Variants in CNTN4 observed in about 807,000 individuals in gnomAD.
The protein encoded by CNTN4 is contactin-4.
CNTN4 carries 77 observed loss-of-function variants against 122.5 expected under a neutral mutation model. The observed-to-expected ratio is 0.63, with a 90% confidence interval of 0.52 to 0.76. The LOEUF is 0.76. CNTN4 is among the 30% of genes least tolerant of loss of function. The pLI is 0.00. For synonymous variants in CNTN4, 512 were observed against 447.0 expected, an observed-to-expected ratio of 1.15 and a Z score of -1.83; for missense variants, 1,256 against 1,259.1, an observed-to-expected ratio of 1.00 and a Z score of 0.04.
At position 3,053,847 on chromosome 3, in the gene CNTN4, T is replaced by C. The variant is rs761186224; in HGVS notation, c.2852T>C (p.Ile951Thr). 6.2e-6 allele frequency: 10 copies of C among 1,614,222 alleles called. No individual in the cohort carries two copies. Among genetic ancestry groups the C allele is most frequent in the East Asian group, 2.2e-5 (1 of 44,880 alleles). Residue 951 changes from isoleucine to threonine, a missense_variant, in exon 24 of 25, where the codon ATT becomes ACT. By Grantham distance (89) the Ile-to-Thr change is moderately conservative (BLOSUM62 -1). Coordinates refer to ENST00000418658, the MANE Select transcript of CNTN4 (RefSeq NM_175607.3). ...AACAGACAAAGCAGCACATCTGTCATTGAAACAAATAAAACATCGGTGGAG... is the reference window on the plus strand; with the variant it reads ...AACAGACAAAGCAGCACATCTGTCACTGAAACAAATAAAACATCGGTGGAG... ...RWNRQSSTSV[I>T]ETNKTSVELS...
chr3:2,185,724 A>G (rs2037220893), intron 2 of CNTN4, among the ~76,000 whole-genome samples: 1 of 152,140 alleles, frequency 6.6e-6, no homozygotes, highest in Non-Finnish European at 1.5e-5. Context: ...ACTGCCAATA[A>G]TGGTACAAAG....
chr3:2,340,692 T>C (rs2044150712), intron 3 of CNTN4, among the ~76,000 whole-genome samples: 2 of 18,112 alleles, frequency 1.1e-4, no homozygotes, highest in South Asian at 7.7e-3. Flanking sequence ...ATTTTATATA[T>C]ATATATATAT....
chr3:2,321,654 C>G (rs1216688772), intron 2 of CNTN4, among the ~76,000 whole-genome samples: 1 of 151,648 alleles, frequency 6.6e-6, no homozygotes, highest in African/African-American at 2.4e-5. Context: ...CAGATTGTCT[C>G]GGAGGTCTTG....
intron 2 of CNTN4, among the ~76,000 whole-genome samples, chr3:2,181,993 G>A (rs1480795707): frequency 2.0e-5 from 3 of 152,064 alleles, no homozygotes; most frequent in Non-Finnish European, 4.4e-5. Flanking sequence ...AGTAAGCACA[G>A]TAAATCCATT....
At chr3:2,840,935 C>T (rs1197626958) in intron 7 of CNTN4, among the ~76,000 whole-genome samples, 1 of 152,066 alleles carries the variant, frequency 6.6e-6, no homozygotes, top group Non-Finnish European at 1.5e-5. Flanking sequence ...TTAATCTTTT[C>T]TAATTGCTAA....
At chr3:2,619,151 G>C (rs2081896053) in intron 4 of CNTN4, among the ~76,000 whole-genome samples, 1 of 152,126 alleles carries the variant, frequency 6.6e-6, no homozygotes, top group Non-Finnish European at 1.5e-5. Context: ...TGTGTCTTCA[G>C]CATCCTTTAG....
intron 24 of CNTN4, 134 bp from the exon 25 acceptor site, chr3:3,055,986 A>T: frequency 1.6e-6 from 1 of 645,068 alleles, no homozygotes; most frequent in Non-Finnish European, 2.7e-6. Flanking sequence ...ACTGATATTT[A>T]AAAGCCATTA....
intron 13 of CNTN4, among the ~76,000 whole-genome samples, chr3:2,954,994 T>G (rs1267123546): frequency 6.6e-6 from 1 of 152,108 alleles, no homozygotes; most frequent in Non-Finnish European, 1.5e-5. Context: ...TAGAATATTT[T>G]GAAGGAAGAA....
At chr3:2,386,206 T>C (rs896822886) in intron 3 of CNTN4, among the ~76,000 whole-genome samples, 1 of 152,106 alleles carries the variant, frequency 6.6e-6, no homozygotes, top group African/African-American at 2.4e-5. Context: ...AAACATTCTC[T>C]GAATTCAAAC....
At chr3:2,553,589 C>G (rs1392907698) in intron 3 of CNTN4, among the ~76,000 whole-genome samples, 1 of 152,042 alleles carries the variant, frequency 6.6e-6, no homozygotes. Context: ...ATGATGGTTA[C>G]TAACACACAG....
At chr3:2,407,940 A>G (rs774711069) in intron 3 of CNTN4, among the ~76,000 whole-genome samples, 6 of 152,208 alleles carry the variant, frequency 3.9e-5, no homozygotes, top group African/African-American at 1.4e-4. Flanking sequence ...GTGTGTGTCT[A>G]TGCACATTTT....
chr3:2,557,921 G>C (rs1273035348), intron 3 of CNTN4, among the ~76,000 whole-genome samples: 1 of 152,044 alleles, frequency 6.6e-6, no homozygotes, highest in Admixed American at 6.6e-5. Flanking sequence ...ATGACTAGCT[G>C]GTCTTCTGTA....
At chr3:2,156,962 C>T (rs137938581) in intron 2 of CNTN4, among the ~76,000 whole-genome samples, 147 of 152,296 alleles carry the variant, frequency 9.7e-4, no homozygotes, top group Middle Eastern at 3.4e-3. Context: ...TTCTCATCTG[C>T]ATGTCTGTAC....
At chr3:2,866,650 G>A in intron 7 of CNTN4, 102 bp from the exon 8 acceptor site, 3 of 1,278,696 alleles carry the variant, frequency 2.3e-6, no homozygotes, top group Non-Finnish European at 2.3e-6. Context: ...AGAGTCATTG[G>A]ACAACAATGT....
At chr3:2,641,881 A>G (rs1236247687) in intron 4 of CNTN4, among the ~76,000 whole-genome samples, 1 of 152,196 alleles carries the variant, frequency 6.6e-6, no homozygotes, top group Non-Finnish European at 1.5e-5. Flanking sequence ...TTTACATCAT[A>G]TTGAATCATA....
At chr3:2,749,454 G>C (rs1468900011) in intron 6 of CNTN4, among the ~76,000 whole-genome samples, 1 of 150,980 alleles carries the variant, frequency 6.6e-6, no homozygotes, top group East Asian at 2.0e-4. Context: ...ATTACACTTT[G>C]CCCAGCTCAT....
intron 14 of CNTN4, among the ~76,000 whole-genome samples, chr3:3,000,731 C>G (rs533236593): frequency 6.6e-6 from 1 of 152,256 alleles, no homozygotes; most frequent in South Asian, 2.1e-4. Context: ...ATATCCCACC[C>G]AACTCTGAAA....
chr3:2,607,714 G>A lies in CNTN4; in HGVS notation c.55+36156G>A, dbSNP rs908975638. The stretch of plus-strand genomic sequence containing the variant: ...AGTGAATAAAAGCAGGTAGAAGAGA[G>A]AAAGGAGGACCTAGTTGAATCTGCC... On this transcript the variant is annotated intron_variant, in intron 4 of 24. Transcript: ENST00000418658. Among the ~76,000 whole-genome samples the A allele has an allele frequency of 1.9e-4, 28 of 150,558 alleles. 1 individual carries two copies. The highest frequency in any genetic ancestry group is 6.5e-4 in the African/African-American group (27 of 41,240).
At position 2,447,055 on chromosome 3, in the gene CNTN4, T is replaced by G. The variant is rs112961856; in HGVS notation, c.-89+107822T>G. Among the ~76,000 whole-genome samples, 244 of 152,320 alleles carry G rather than the reference T, an allele frequency of 1.6e-3. 2 individuals carry two copies. Among genetic ancestry groups the G allele is most frequent in the African/African-American group, 5.7e-3 (235 of 41,578 alleles). ...TATCTTTCAATTTAAGAAAAAATTA[T>G]GGGAGTTTCATATGCTTGACACTAT... On this transcript the variant is annotated intron_variant, in intron 3 of 24. Coordinates refer to ENST00000418658, the MANE Select transcript of CNTN4 (RefSeq NM_175607.3).
Sources: gnomAD v4.1 joint callset for allele counts (sites outside exome capture counted in the v4.1 genomes callset) on GRCh38, gnomAD v4.1.1 for gene constraint, MANE v1.5 for transcripts, NCBI Gene and HGNC (gene_info 2026-07-23, HGNC 2026-07-21) for gene names.